The following SYT1 variants were observed in gnomAD, a reference collection of about 807,000 sequenced individuals.
SYT1 encodes synaptotagmin-1.
A neutral mutation model predicts 44.8 loss-of-function variants in SYT1; 8 were observed. The ratio of observed to expected loss-of-function variants is 0.18; its 90% CI spans 0.10 to 0.32. SYT1 has a LOEUF of 0.32. Among genes scored for constraint, SYT1 ranks in the 10% least tolerant of loss-of-function variants. The pLI is 1.00. For synonymous variants in SYT1, 154 were observed against 188.8 expected (o/e 0.82, Z 1.51); for missense variants, 286 against 509.3 (o/e 0.56, Z 4.22).
chr12:79,121,864 ATAG>A (rs1402083784), intron 3 of SYT1, among the ~76,000 whole-genome samples: 1 of 152,242 alleles, frequency 6.6e-6, no homozygotes, highest in African/African-American at 2.4e-5. Flanking sequence ...TAATATACAA[ATAG>A]TAGATGTAAT....
chr12:78,930,184 A>C (rs75136487), intron 1 of SYT1, among the ~76,000 whole-genome samples: 4,896 of 152,264 alleles, frequency 0.032, 223 homozygotes, highest in East Asian at 0.16. Flanking sequence ...ACCACAAAAA[A>C]TCAGTTGCTG....
At chr12:79,324,060 C>T (rs1407384408) in intron 8 of SYT1, among the ~76,000 whole-genome samples, 1 of 150,910 alleles carries the variant, frequency 6.6e-6, no homozygotes, top group Non-Finnish European at 1.5e-5. Flanking sequence ...AAGCGATTCT[C>T]CTGCCTCAGC....
intron 4 of SYT1, among the ~76,000 whole-genome samples, chr12:79,235,361 T>C (rs1346576702): frequency 6.6e-6 from 1 of 152,070 alleles, no homozygotes; most frequent in African/African-American, 2.4e-5. Context: ...TCACAATGGA[T>C]TGTAGACCTA....
At chr12:79,058,044 T>G (rs1875098977) in intron 3 of SYT1, among the ~76,000 whole-genome samples, 1 of 152,034 alleles carries the variant, frequency 6.6e-6, no homozygotes, top group Non-Finnish European at 1.5e-5. Context: ...TATGGATATA[T>G]CCATTGTTCC....
In SYT1 at chr12:79,034,658, C is replaced by G. The variant is rs905865260; in HGVS notation, c.-83-12639C>G. On this transcript the variant is annotated intron_variant, in intron 2 of 10. Transcript: ENST00000261205. ...CTGAATGCAGCTTATTAAATAGCAGCTGTAATTTTTTTAAACTATGCTGCT... is the reference window on the plus strand; with the variant it reads ...CTGAATGCAGCTTATTAAATAGCAGGTGTAATTTTTTTAAACTATGCTGCT... Among the ~76,000 whole-genome samples the G allele has an allele frequency of 7.2e-5, 11 of 151,760 alleles. No homozygotes were observed. In the East Asian group the frequency reaches 2.1e-3, roughly 30 times the overall value.
At chr12:79,385,408 T>C (rs1341457861) in intron 9 of SYT1, among the ~76,000 whole-genome samples, 1 of 152,218 alleles carries the variant, frequency 6.6e-6, no homozygotes, top group Non-Finnish European at 1.5e-5. Context: ...ATTGTTTGCA[T>C]AATTTATTTT....
chr12:79,209,544 A>G (rs1236226225), intron 3 of SYT1, among the ~76,000 whole-genome samples: 2 of 152,216 alleles, frequency 1.3e-5, no homozygotes, highest in African/African-American at 4.8e-5. Flanking sequence ...AATCGAGGCC[A>G]GCATCCACCA....
At chr12:79,044,753 G>T (rs1873875693) in intron 2 of SYT1, among the ~76,000 whole-genome samples, 1 of 148,676 alleles carries the variant, frequency 6.7e-6, no homozygotes, top group Non-Finnish European at 1.5e-5. Flanking sequence ...CCCCATCTTT[G>T]TGGTTTTATC....
At position 78,870,490 on chromosome 12, in the gene SYT1, T is replaced by C. The variant is rs567629182; in HGVS notation, c.-217+5381T>C. Among the ~76,000 whole-genome samples, 42 of 152,246 alleles carry C rather than the reference T, an allele frequency of 2.8e-4. No individual in the cohort carries two copies. In the East Asian group the frequency reaches 6.8e-3, roughly 24 times the overall value. On this transcript the variant is annotated intron_variant, in intron 1 of 10. Transcript: ENST00000261205. Reference sequence around the variant, plus strand: ...ATAGATAAATGTTTTCTTTCTCTTTTGAAATCAAAGATAAAATGCACATAT... The same window carrying C: ...ATAGATAAATGTTTTCTTTCTCTTTCGAAATCAAAGATAAAATGCACATAT...
chr12:78,983,651 G>C (rs931112873), intron 2 of SYT1, among the ~76,000 whole-genome samples: 9 of 151,966 alleles, frequency 5.9e-5, no homozygotes, highest in African/African-American at 1.7e-4. Context: ...TCATTTACTT[G>C]TGTACACATA....
intron 6 of SYT1, among the ~76,000 whole-genome samples, chr12:79,293,874 T>C (rs1018980414): frequency 6.6e-6 from 1 of 152,210 alleles, no homozygotes; most frequent in African/African-American, 2.4e-5. Flanking sequence ...AGTTATACCA[T>C]TTTTAGTTAA....
intron 1 of SYT1, among the ~76,000 whole-genome samples, chr12:78,938,559 G>A (rs1047874776): frequency 7.2e-5 from 11 of 152,024 alleles, no homozygotes; most frequent in African/African-American, 2.7e-4. Flanking sequence ...AAGTAAAAAG[G>A]TCCTAAAATG....
At chr12:78,984,906 A>G (rs1351118416) in intron 2 of SYT1, among the ~76,000 whole-genome samples, 1 of 151,998 alleles carries the variant, frequency 6.6e-6, no homozygotes, top group African/African-American at 2.4e-5. Context: ...AGGTGGAAAG[A>G]GCAACAAAAC....
intron 9 of SYT1, among the ~76,000 whole-genome samples, chr12:79,439,822 T>TTTACA (rs1320087339): frequency 6.6e-6 from 1 of 152,006 alleles, no homozygotes; most frequent in Admixed American, 6.6e-5. Context: ...AGGTTGGCTC[T>TTTACA]AGAGTCTGTA....
chr12:79,223,620 C>A (rs1220310986), intron 4 of SYT1, among the ~76,000 whole-genome samples: 1 of 152,190 alleles, frequency 6.6e-6, no homozygotes, highest in African/African-American at 2.4e-5. Flanking sequence ...AGTACTGGGA[C>A]AGCTGAAGCC....
intron 1 of SYT1, among the ~76,000 whole-genome samples, chr12:78,915,953 A>G (rs536143943): frequency 1.3e-4 from 20 of 152,134 alleles, no homozygotes; most frequent in African/African-American, 4.6e-4. Flanking sequence ...GTAAATGCTA[A>G]CTTAAAATAC....
At chr12:79,203,076 T>C (rs1873887166) in intron 3 of SYT1, among the ~76,000 whole-genome samples, 1 of 117,042 alleles carries the variant, frequency 8.5e-6, no homozygotes, top group Admixed American at 9.7e-5. Context: ...TAGTAGATAA[T>C]AAGCCTATGG....
chr12:79,228,682 T>TA (rs1875673395), intron 4 of SYT1, among the ~76,000 whole-genome samples: 1 of 152,264 alleles, frequency 6.6e-6, no homozygotes, highest in African/African-American at 2.4e-5. Flanking sequence ...GCCATTCAAA[T>TA]AAAAAAATCT....
chr12:78,997,144 G>C (rs947628557), intron 2 of SYT1, among the ~76,000 whole-genome samples: 2 of 152,162 alleles, frequency 1.3e-5, no homozygotes, highest in African/African-American at 4.8e-5. Flanking sequence ...TGGCAGGAAA[G>C]TTATTTGATT....
Sources: gnomAD v4.1 joint callset for allele counts (sites outside exome capture counted in the v4.1 genomes callset) on GRCh38, gnomAD v4.1.1 for gene constraint, MANE v1.5 for transcripts, NCBI Gene and HGNC (gene_info 2026-07-23, HGNC 2026-07-21) for gene names.